Variants in SPON1 observed in about 807,000 individuals in gnomAD.
The protein encoded by SPON1 is spondin 1.
Under a neutral mutation model 111.7 loss-of-function variants are expected in SPON1, and 52 were observed. That is an observed-to-expected ratio of 0.47 (90% CI 0.37 to 0.59). SPON1 has a LOEUF of 0.59. Among genes scored for constraint, SPON1 ranks in the 20% least tolerant of loss-of-function variants. The pLI is 0.00. For missense variants in SPON1, 957 were observed against 1,068.5 expected (o/e 0.90, Z 1.46); for synonymous variants, 410 against 395.8 (o/e 1.04, Z -0.43).
chr11:14,220,963 T>G (rs782284132), intron 6 of SPON1, among the ~76,000 whole-genome samples: 4 of 152,228 alleles, frequency 2.6e-5, no homozygotes, highest in Non-Finnish European at 5.9e-5. Context: ...GCCCTGACCT[T>G]GAAATGGGAC....
At position 14,084,937 on chromosome 11, in the gene SPON1, T is replaced by C. The variant is rs536975614; in HGVS notation, c.676+4916T>C. On this transcript the variant is annotated intron_variant, in intron 5 of 15. Coordinates refer to ENST00000576479, the MANE Select transcript of SPON1 (RefSeq NM_006108.4). The stretch of plus-strand genomic sequence containing the variant: ...TTTTTTCATATGTTTGTTGGCCACA[T>C]AAATGTCTTCTTTTGAGAAATGTCT... Among the ~76,000 whole-genome samples, 93 of 152,362 alleles carry C rather than the reference T, an allele frequency of 6.1e-4. 2 individuals carry two copies. The highest frequency in any genetic ancestry group is 1.0e-3 in the South Asian group (5 of 4,830).
At chr11:14,116,279 C>T (rs1365631244) in intron 5 of SPON1, among the ~76,000 whole-genome samples, 2 of 152,040 alleles carry the variant, frequency 1.3e-5, no homozygotes, top group Non-Finnish European at 2.9e-5. Context: ...ATGATTAGCA[C>T]CTTTTTTGCT....
chr11:14,161,350 G>C (rs1847962256), intron 6 of SPON1, among the ~76,000 whole-genome samples: 1 of 135,442 alleles, frequency 7.4e-6, no homozygotes, highest in South Asian at 2.3e-4. Context: ...ATGGAGTCTT[G>C]CTCTGTCACT....
intron 2 of SPON1, among the ~76,000 whole-genome samples, chr11:14,034,818 A>C (rs1307438103): frequency 6.6e-6 from 1 of 152,206 alleles, no homozygotes; most frequent in African/African-American, 2.4e-5. Flanking sequence ...CATGCTAGGT[A>C]CCTGGCAGAT....
At chr11:14,108,750 T>C (rs1463318954) in intron 5 of SPON1, among the ~76,000 whole-genome samples, 1 of 152,074 alleles carries the variant, frequency 6.6e-6, no homozygotes, top group African/African-American at 2.4e-5. Context: ...TAGTATTTGA[T>C]GACCTTTTTT....
rs1010249655 is a variant in SPON1 at position 14,135,923 on chromosome 11, G to A, written c.825+355G>A. The stretch of plus-strand genomic sequence containing the variant: ...AGAGGAGTAATAGTCAAGCTGTCCA[G>A]CCAAATCCCCAAAATAAATGTTTGA... On this transcript the variant is annotated intron_variant, in intron 6 of 15. Coordinates refer to ENST00000576479, the MANE Select transcript of SPON1 (RefSeq NM_006108.4). This position sits in a 1 kb window ranked among gnomAD's most constrained non-coding sequence, Gnocchi z 4.4. Among the ~76,000 whole-genome samples the A allele has an allele frequency of 5.9e-5, 9 of 152,160 alleles. No homozygotes were observed. The highest frequency in any genetic ancestry group is 2.2e-4 in the African/African-American group (9 of 41,424).
At chr11:14,180,853 C>A (rs1554933634) in intron 6 of SPON1, among the ~76,000 whole-genome samples, 2 of 152,196 alleles carry the variant, frequency 1.3e-5, no homozygotes, top group African/African-American at 4.8e-5. Flanking sequence ...ATTTTCTCCC[C>A]CAGCACCTGG....
intron 6 of SPON1, among the ~76,000 whole-genome samples, chr11:14,174,182 C>T (rs1359927595): frequency 1.3e-5 from 2 of 152,202 alleles, no homozygotes; most frequent in African/African-American, 2.4e-5. Flanking sequence ...TGCAATGCTT[C>T]TACCCTGCAT....
chr11:14,074,578 T>C (rs944575473), intron 3 of SPON1, among the ~76,000 whole-genome samples: 22 of 152,348 alleles, frequency 1.4e-4, no homozygotes, highest in Middle Eastern at 3.4e-3. Context: ...TTGTCTCAGT[T>C]CTAAATGTTG....
intron 4 of SPON1, 39 bp from the exon 5 acceptor site, chr11:14,079,860 G>T (rs193117234): frequency 6.2e-7 from 1 of 1,613,200 alleles, no homozygotes. Flanking sequence ...TACAACCCAC[G>T]TTTACTTTCT....
At chr11:13,972,444 T>C (rs567918638) in intron 1 of SPON1, among the ~76,000 whole-genome samples, 30 of 152,342 alleles carry the variant, frequency 2.0e-4, no homozygotes, top group Middle Eastern at 3.4e-3. Context: ...CATTCATGAA[T>C]CTGTATTTGG....
intron 6 of SPON1, among the ~76,000 whole-genome samples, chr11:14,167,184 A>G (rs185095242): frequency 6.6e-6 from 1 of 152,296 alleles, no homozygotes; most frequent in East Asian, 1.9e-4. Flanking sequence ...TGCTTCCTGT[A>G]TAATTTTTGT....
intron 6 of SPON1, among the ~76,000 whole-genome samples, chr11:14,165,647 T>C (rs913521126): frequency 2.0e-5 from 3 of 152,200 alleles, no homozygotes; most frequent in Admixed American, 6.5e-5. Context: ...CCACAAAGAA[T>C]TTAGAATTTA....
intron 6 of SPON1, among the ~76,000 whole-genome samples, chr11:14,179,757 A>G (rs1432088987): frequency 6.6e-6 from 1 of 152,138 alleles, no homozygotes; most frequent in Non-Finnish European, 1.5e-5. Flanking sequence ...TGATGGGTAT[A>G]AGTCTACTTT....
chr11:14,083,979 A>C (rs1848984419), intron 5 of SPON1, among the ~76,000 whole-genome samples: 1 of 152,232 alleles, frequency 6.6e-6, no homozygotes, highest in South Asian at 2.1e-4. Flanking sequence ...GAGTCGCATA[A>C]GTGCTTTTAT....
At chr11:14,255,231 T>G (rs1377222591) in intron 8 of SPON1, among the ~76,000 whole-genome samples, 1 of 152,198 alleles carries the variant, frequency 6.6e-6, no homozygotes, top group Non-Finnish European at 1.5e-5. Flanking sequence ...TCTGCGGCTG[T>G]TTTCTCACTA....
intron 3 of SPON1, among the ~76,000 whole-genome samples, chr11:14,057,017 A>C (rs946084567): frequency 6.6e-6 from 1 of 152,164 alleles, no homozygotes; most frequent in African/African-American, 2.4e-5. Context: ...CATTAAATAA[A>C]ATGGAAATAA....
chr11:14,242,533 A>T (rs1453847278), intron 6 of SPON1, among the ~76,000 whole-genome samples: 1 of 152,176 alleles, frequency 6.6e-6, no homozygotes, highest in Non-Finnish European at 1.5e-5. Context: ...GGACCTGTGG[A>T]GGCCTCCAGC....
intron 2 of SPON1, among the ~76,000 whole-genome samples, chr11:13,995,858 TAGAA>T (rs782070922): frequency 1.3e-5 from 2 of 152,198 alleles, no homozygotes; most frequent in African/African-American, 2.4e-5. Flanking sequence ...AGAGACCTGT[TAGAA>T]AGAACCATAT....
Sources: gnomAD v4.1 joint callset for allele counts (sites outside exome capture counted in the v4.1 genomes callset) on GRCh38, gnomAD v4.1.1 for gene constraint, Gnocchi (gnomAD v3.1) non-coding constraint, MANE v1.5 for transcripts, NCBI Gene and HGNC (gene_info 2026-07-23, HGNC 2026-07-21) for gene names.